VRK3: variants seen among roughly 807,000 people sequenced by gnomAD.
The protein encoded by VRK3 is serine/threonine-protein kinase VRK3.
Under a neutral mutation model 60.4 loss-of-function variants are expected in VRK3, and 50 were observed. The ratio of observed to expected loss-of-function variants is 0.83; its 90% CI spans 0.66 to 1.05. The LOEUF is 1.05. VRK3 is among the 50% of genes least tolerant of loss of function. VRK3 has a pLI of 0.00. For missense variants in VRK3, 549 were observed against 585.3 expected, an observed-to-expected ratio of 0.94 and a Z score of 0.64; for synonymous variants, 246 against 227.8, an observed-to-expected ratio of 1.08 and a Z score of -0.72.
intron 10 of VRK3, among the ~76,000 whole-genome samples, chr19:49,991,423 T>C (rs1568783471): frequency 6.6e-6 from 1 of 152,134 alleles, no homozygotes; most frequent in Non-Finnish European, 1.5e-5. Flanking sequence ...GGAACTTACA[T>C]CATTGGCTCT....
intron 13 of VRK3, 38 bp from the exon 14 acceptor site, chr19:49,979,280 G>A (rs757085369): frequency 6.2e-7 from 1 of 1,613,702 alleles, no homozygotes. Flanking sequence ...GAGAGCCTGA[G>A]AGGCATCCCC....
Position 50,016,036 on chromosome 19 carries a change from A to G in VRK3, c.127T>C (p.Ser43Pro). Residue 43 changes from serine (S) to proline (P), a missense_variant, in exon 3 of 15, where the codon TCA becomes CCA. By Grantham distance (74) the Ser-to-Pro change is moderately conservative. Transcript: ENST00000316763. ...CTCTGGTTCTTACCTTGGAAGGATG[A>G]CACATGTGGATTGACAAAGGTCTGG... ...GSQTFVNPHV[S>P]SFQGSKRGLN... 1 of 1,614,186 alleles carries G rather than the reference A, an allele frequency of 6.2e-7. No homozygotes were observed. The highest frequency in any genetic ancestry group is 1.1e-5 in the South Asian group (1 of 91,076).
Position 49,994,784 on chromosome 19 carries a change from G to T in VRK3, c.870+30C>A, listed in dbSNP as rs765200101. 4 of 1,596,300 alleles carry T rather than the reference G, an allele frequency of 2.5e-6. No homozygotes were observed. The South Asian group carries it at 3.3e-5, about 13-fold the overall frequency. On this transcript the variant is annotated intron_variant, in intron 9 of 14. Coordinates refer to ENST00000316763, the MANE Select transcript of VRK3 (RefSeq NM_016440.4). ...TAGGATGTGATGTGCCCTCCCTGAC[G>T]CGGCAGCTGAGCAACTTCTGGGTAC...
chr19:49,989,199 G>A (rs1219964974), intron 11 of VRK3, among the ~76,000 whole-genome samples: 1 of 152,088 alleles, frequency 6.6e-6, no homozygotes, highest in Non-Finnish European at 1.5e-5. Context: ...TCTGCCCTGG[G>A]CCCTCTTCCT....
At chr19:49,978,921 C>T (rs1252307596) in intron 14 of VRK3, 162 bp downstream of exon 14, 11 of 610,936 alleles carry the variant, frequency 1.8e-5, no homozygotes, top group East Asian at 9.9e-5. Context: ...TTCCTTGAGG[C>T]TGGGAAGTTC....
At chr19:49,977,135 G>A (rs1339054519) in intron 14 of VRK3, among the ~76,000 whole-genome samples, 1 of 152,058 alleles carries the variant, frequency 6.6e-6, no homozygotes, top group Non-Finnish European at 1.5e-5. Context: ...GATGAGGGGA[G>A]CTTTCCAGAA....
intron 9 of VRK3, among the ~76,000 whole-genome samples, chr19:49,994,582 G>GT (rs2076668063): frequency 6.6e-6 from 1 of 152,196 alleles, no homozygotes; most frequent in Non-Finnish European, 1.5e-5. Flanking sequence ...TAAGCCTTCA[G>GT]TTTGAGGCCG....
At chr19:49,997,323 A>AGGG in intron 7 of VRK3, 181 bp downstream of exon 7, 3 of 586,862 alleles carry the variant, frequency 5.1e-6, no homozygotes, top group Non-Finnish European at 8.8e-6. Flanking sequence ...GGTGTGAGCC[A>AGGG]GTCACAACAC....
At chr19:49,998,296 C>T (rs1295178671) in intron 6 of VRK3, 3 of 151,692 alleles carry the variant, frequency 2.0e-5, no homozygotes, top group Admixed American at 1.3e-4. Flanking sequence ...AGACTAGCCT[C>T]GCCAACATGG....
chr19:49,987,333 C>T (rs996065571), intron 12 of VRK3, among the ~76,000 whole-genome samples: 5 of 152,074 alleles, frequency 3.3e-5, no homozygotes, highest in Admixed American at 2.6e-4. Context: ...TTTTGTGTCC[C>T]GCTGCCTGCT....
intron 13 of VRK3, 52 bp from the exon 14 acceptor site, chr19:49,979,294 C>A (rs779553151): frequency 2.2e-5 from 35 of 1,612,656 alleles, no homozygotes; most frequent in Non-Finnish European, 2.9e-5. Flanking sequence ...CATCCCCCAA[C>A]CCCGATCCTG....
intron 1 of VRK3, among the ~76,000 whole-genome samples, chr19:50,021,799 C>T (rs1169307131): frequency 6.6e-6 from 1 of 152,226 alleles, no homozygotes; most frequent in South Asian, 2.1e-4. Flanking sequence ...TCACTTAAGA[C>T]GGTTCTCATT....
intron 6 of VRK3, chr19:49,998,975 A>AAAAAAAAAAAAC (rs2076752694): frequency 6.8e-6 from 1 of 148,092 alleles, no homozygotes; most frequent in East Asian, 2.0e-4. Flanking sequence ...AAAAAAAAAA[A>AAAAAAAAAAAAC]AGCTGGACGT....
chr19:49,985,300 A>G (rs541960495), intron 12 of VRK3, among the ~76,000 whole-genome samples: 5 of 152,292 alleles, frequency 3.3e-5, no homozygotes, highest in East Asian at 1.9e-4. Context: ...GAGTAAGTGT[A>G]AAAATAAGCT....
chr19:49,996,165 C>T (rs1342915998), intron 7 of VRK3, among the ~76,000 whole-genome samples: 2 of 152,034 alleles, frequency 1.3e-5, no homozygotes, highest in African/African-American at 4.8e-5. Context: ...CATGATCCGC[C>T]CGCCTCGGCC....
rs149609636 is a variant in VRK3, at chr19:49,988,377, T to G, written c.1212A>C (p.Lys404Asn). 1.9e-5 allele frequency: 31 copies of G among 1,611,594 alleles called. No homozygotes were observed. The highest frequency in any genetic ancestry group is 2.5e-5 in the Non-Finnish European group (30 of 1,178,586). ...CTGCTGACCCCTAGACTCACTTCTGTTTTTGCTTCATGATGTCCTCAGTGT... is the reference window on the plus strand; with the variant it reads ...CTGCTGACCCCTAGACTCACTTCTGGTTTTGCTTCATGATGTCCTCAGTGT... The part of the protein sequence containing the change: ...LPNTEDIMKQ[K>N]QKFVDKPGPF... Residue 404 changes from lysine to asparagine, a missense_variant, in exon 12 of 15, where the codon AAA becomes AAC. By Grantham distance (94) the Lys-to-Asn change is moderately conservative. Coordinates refer to ENST00000316763, the MANE Select transcript of VRK3 (RefSeq NM_016440.4).
At chr19:49,979,879 TAA>T (rs572405271) in intron 13 of VRK3, among the ~76,000 whole-genome samples, 1 of 141,870 alleles carries the variant, frequency 7.0e-6, no homozygotes, top group Non-Finnish European at 1.5e-5. Context: ...CCATCTCTAC[TAA>T]AAAAAAAAAA....
In VRK3 at chr19:50,016,096, C is replaced by T. The variant is rs764205117; in HGVS notation, c.67G>A (p.Gly23Arg). Residue 23 changes from glycine (G) to arginine (R), a missense_variant, in exon 3 of 15, where the codon GGA becomes AGA. By Grantham distance (125) the Gly-to-Arg change is moderately radical (BLOSUM62 -2). Transcript: ENST00000316763. ...QAAFKFCPYC[G>R]NSLPVEEHVG... Reference sequence around the variant, plus strand: ...TGCTCCTCTACAGGCAAAGAATTTCCACAGTAGGGGCAGAATTTGAATGCC... The same window carrying T: ...TGCTCCTCTACAGGCAAAGAATTTCTACAGTAGGGGCAGAATTTGAATGCC... 5.0e-6 allele frequency: 8 copies of T among 1,614,192 alleles called. No individual in the cohort carries two copies. Among genetic ancestry groups the T allele is most frequent in the Non-Finnish European group, 6.8e-6 (8 of 1,180,044 alleles).
chr19:50,002,372 C>T (rs1466403387), intron 5 of VRK3, among the ~76,000 whole-genome samples: 5 of 152,016 alleles, frequency 3.3e-5, no homozygotes, highest in African/African-American at 4.8e-5. Flanking sequence ...ATGCAGGACC[C>T]GCATCTCGGG....
Sources: gnomAD v4.1 joint callset for allele counts (sites outside exome capture counted in the v4.1 genomes callset) on GRCh38, gnomAD v4.1.1 for gene constraint, MANE v1.5 for transcripts, NCBI Gene and HGNC (gene_info 2026-07-23, HGNC 2026-07-21) for gene names.